TPI1: variants seen among roughly 807,000 people sequenced by gnomAD.
TPI1 encodes the protein triosephosphate isomerase 1, also known as triosephosphate isomerase.
A neutral mutation model predicts 31.0 loss-of-function variants in TPI1; 11 were observed. The ratio of observed to expected loss-of-function variants is 0.36; its 90% CI spans 0.22 to 0.59. TPI1 has a LOEUF of 0.59. Ranked by LOEUF, TPI1 falls within the 20% of genes least tolerant of loss-of-function variation. TPI1 has a pLI of 0.79. For missense variants in TPI1, 245 were observed against 319.7 expected, an observed-to-expected ratio of 0.77 and a Z score of 1.78; for synonymous variants, 121 against 122.8, an observed-to-expected ratio of 0.99 and a Z score of 0.10.
chr12:6,869,686 A>C lies in TPI1; in HGVS notation c.458-2A>C. 2 of 1,614,212 alleles carry C rather than the reference A, an allele frequency of 1.2e-6. No homozygotes were observed. Among genetic ancestry groups the C allele is most frequent in the Non-Finnish European group, 1.7e-6 (2 of 1,180,032 alleles). ...CCCTCCATCTGTATCTCTGCCCTGC[A>C]GATAACGTGAAGGACTGGAGCAAGG... On this transcript the variant is annotated splice_acceptor_variant, in intron 4 of 6. Transcript: ENST00000396705. LOFTEE classifies it high-confidence loss of function.
At chr12:6,869,565 C>T in intron 4 of TPI1, 123 bp from the exon 5 acceptor site, 2 of 1,462,350 alleles carry the variant, frequency 1.4e-6, no homozygotes, top group South Asian at 1.1e-5. Flanking sequence ...AGGTAGATGC[C>T]ACCTGGAAAT....
rs761700850 is a variant in TPI1, at chr12:6,869,988, C to T, written c.544-61C>T. The T allele has an allele frequency of 6.8e-5, 107 of 1,573,892 alleles. No individual in the cohort carries two copies. The Middle Eastern group carries it at 8.4e-4, about 12-fold the overall frequency. ...AACCACACTAAGTGTCCACTGGTGC[C>T]AGTGATTTTTCCTCTTAGAGAGGCA... On this transcript the variant is annotated intron_variant, in intron 5 of 6. Transcript: ENST00000396705.
chr12:6,869,037 C>T (rs201628769), intron 2 of TPI1, 50 bp downstream of exon 2: 43 of 1,614,076 alleles, frequency 2.7e-5, no homozygotes, highest in African/African-American at 2.4e-4. Flanking sequence ...TCACTTTCCT[C>T]GTTGAGGGGA....
chr12:6,868,660 G>A, intron 1 of TPI1: 1 of 1,317,564 alleles, frequency 7.6e-7, no homozygotes. Context: ...CCTCTCAGGG[G>A]TATCTGGAAG....
Position 6,870,321 on chromosome 12 carries a change from T to C in TPI1, c.688T>C (p.Phe230Leu). Residue 230 changes from phenylalanine (F) to leucine (L), a missense_variant, in exon 7 of 7, where the codon TTC (phenylalanine) becomes CTC (leucine). Physicochemically the swap from Phe to Leu is conservative, Grantham distance 22 (BLOSUM62 0). Transcript: ENST00000396705. ...GGCCAGCCAGCCTGATGTGGATGGC[T>C]TCCTTGTGGGTGGTGCTTCCCTCAA... is the stretch of plus-strand genomic sequence containing the variant. ...ELASQPDVDGFLVGGASLKPE... is the reference protein window; with the variant it reads ...ELASQPDVDGLLVGGASLKPE... The C allele has an allele frequency of 6.2e-7, 1 of 1,614,206 alleles. No individual in the cohort carries two copies.
At chr12:6,867,852 C>T (rs1944492042) in intron 1 of TPI1, among the ~76,000 whole-genome samples, 171 bp downstream of exon 1, 1 of 152,188 alleles carries the variant, frequency 6.6e-6, no homozygotes, top group Admixed American at 6.5e-5. Flanking sequence ...GCAGCCGCAG[C>T]CCCGTCGGTG....
At chr12:6,869,918 AGGG>A in intron 5 of TPI1, 128 bp from the exon 6 acceptor site, 1 of 1,387,614 alleles carries the variant, frequency 7.2e-7, no homozygotes, top group Non-Finnish European at 1.0e-6. Flanking sequence ...CATCCAGTCC[AGGG>A]CCTGGCTTGG....
In TPI1 at chr12:6,870,403, C is replaced by T. The variant is rs1555132669; in HGVS notation, c.*20C>T. The T allele has an allele frequency of 6.3e-7, 1 of 1,578,316 alleles. No individual in the cohort carries two copies. On this transcript the variant is annotated 3_prime_UTR_variant, in exon 7 of 7. Coordinates refer to ENST00000396705, the MANE Select transcript of TPI1 (RefSeq NM_000365.6). ...CAATGAGCCCCATCCATCTTCCCTACCCTTCCTGCCAAGCCAGGGACTAAG... is the reference window on the plus strand; with the variant it reads ...CAATGAGCCCCATCCATCTTCCCTATCCTTCCTGCCAAGCCAGGGACTAAG...
At chr12:6,869,542 T>C in intron 4 of TPI1, 146 bp from the exon 5 acceptor site, 2 of 1,475,150 alleles carry the variant, frequency 1.4e-6, no homozygotes, top group Non-Finnish European at 1.9e-6. Flanking sequence ...GGCCTATGAC[T>C]TCTCCAGCCC....
chr12:6,869,376 C>G lies in TPI1; in HGVS notation c.443C>G (p.Thr148Arg), dbSNP rs781795779. Residue 148 changes from threonine to arginine, a missense_variant, in exon 4 of 7, where the codon ACA becomes AGA. Coordinates refer to ENST00000396705, the MANE Select transcript of TPI1 (RefSeq NM_000365.6). ...GITEKVVFEQ[T>R]KVIADNVKDW... ...ACTGAGAAGGTTGTTTTCGAGCAGA[C>G]AAAGGTCATCGCAGGTATCTCTGGA... 9.3e-6 allele frequency: 15 copies of G among 1,614,046 alleles called. No individual in the cohort carries two copies. The highest frequency in any genetic ancestry group is 1.3e-5 in the Non-Finnish European group (15 of 1,179,988).
chr12:6,867,777 G>C (rs1256553241), intron 1 of TPI1, 96 bp downstream of exon 1: 1 of 1,305,880 alleles, frequency 7.7e-7, no homozygotes, highest in Non-Finnish European at 1.0e-6. Flanking sequence ...CCCCGAGGCC[G>C]GTATCCGCGC....
rs1944573631 is a variant in TPI1, at chr12:6,870,864, G to A, written c.*481G>A. The A allele has an allele frequency of 1.8e-6, 1 of 561,384 alleles. No homozygotes were observed. The highest frequency in any genetic ancestry group is 3.4e-6 in the Non-Finnish European group (1 of 297,894). The allele number at this position is 561,384 out of a possible 1,614,324, so 34.8% of individuals were successfully genotyped here. A position where few individuals can be genotyped will look rare whatever the true frequency, so the allele number is the denominator to read the frequency against. Reference sequence around the variant, plus strand: ...TGTCTGCCTTCACTGGACTTGCCCAGATAATCTTCCTTTTTGAGGCAGCTA... The same window carrying A: ...TGTCTGCCTTCACTGGACTTGCCCAAATAATCTTCCTTTTTGAGGCAGCTA... On this transcript the variant is annotated 3_prime_UTR_variant, in exon 7 of 7. Coordinates refer to ENST00000396705, the MANE Select transcript of TPI1 (RefSeq NM_000365.6).
chr12:6,870,143 G>A lies in TPI1; in HGVS notation c.631+7G>A, dbSNP rs1039763213. On this transcript the variant is annotated splice_region_variant and intron_variant, in intron 6 of 6. Coordinates refer to ENST00000396705, the MANE Select transcript of TPI1 (RefSeq NM_000365.6). ...ACCCGTATCATTTATGGAGGTGAGT[G>A]GCTTTGGTTCCCGGCTGAGGTGGAG... 1.9e-6 allele frequency: 3 copies of A among 1,612,962 alleles called. No individual in the cohort carries two copies. The highest frequency in any genetic ancestry group is 2.5e-6 in the Non-Finnish European group (3 of 1,178,902).
upstream of TPI1, chr12:6,867,468 G>A (rs1555131366): frequency 5.2e-6 from 8 of 1,528,306 alleles, no homozygotes; most frequent in Non-Finnish European, 7.0e-6. Flanking sequence ...GGCGGAGGAC[G>A]GCGAGGAGGC....
At chr12:6,870,001 T>G (rs1944551042) in intron 5 of TPI1, 48 bp from the exon 6 acceptor site, 1 of 1,602,706 alleles carries the variant, frequency 6.2e-7, no homozygotes, top group African/African-American at 1.3e-5. Context: ...TGATTTTTCC[T>G]CTTAGAGAGG....
rs1591618476 is a variant in TPI1, at chr12:6,870,384, G to C, written c.*1G>C. 6.2e-7 allele frequency: 1 copy of C among 1,607,278 alleles called. No homozygotes were observed. On this transcript the variant is annotated 3_prime_UTR_variant, in exon 7 of 7. Coordinates refer to ENST00000396705, the MANE Select transcript of TPI1 (RefSeq NM_000365.6). ...GGACATCATCAATGCCAAACAATGAGCCCCATCCATCTTCCCTACCCTTCC... is the reference window on the plus strand; with the variant it reads ...GGACATCATCAATGCCAAACAATGACCCCCATCCATCTTCCCTACCCTTCC...
intron 1 of TPI1, chr12:6,868,270 T>TC: frequency 7.8e-7 from 1 of 1,287,452 alleles, no homozygotes; most frequent in African/African-American, 1.5e-5. Flanking sequence ...GGAGCCATCC[T>TC]ACCGCTTTCC....
chr12:6,869,361 T>C lies in TPI1; in HGVS notation c.428T>C (p.Val143Ala). The C allele has an allele frequency of 6.2e-7, 1 of 1,613,972 alleles. No individual in the cohort carries two copies. The change falls in exon 4 of 7, where the codon GTT (valine) becomes GCT (alanine). Residue 143 changes from valine (V) to alanine (A), a missense_variant. Coordinates refer to ENST00000396705, the MANE Select transcript of TPI1 (RefSeq NM_000365.6). ...AGGGAAGCTGGCATCACTGAGAAGG[T>C]TGTTTTCGAGCAGACAAAGGTCATC... is the stretch of plus-strand genomic sequence containing the variant. ...DEREAGITEK[V>A]VFEQTKVIAD...
rs781905309 is a variant in TPI1 at position 6,870,925 on chromosome 12, CAA to C, written c.*543_*544del. 8.4e-5 allele frequency: 50 copies of C among 595,702 alleles called. No homozygotes were observed. The highest frequency in any genetic ancestry group is 7.6e-4 in the African/African-American group (39 of 51,508). The allele number at this position is 595,702 out of a possible 1,614,324, so 36.9% of individuals were successfully genotyped here. ...CATTTGTGCAAGAAAAAAAAAAAAA[CAA>C]GAACAGGTTTCTATAACAACATCTC... On this transcript the variant is annotated 3_prime_UTR_variant, in exon 7 of 7. Coordinates refer to ENST00000396705, the MANE Select transcript of TPI1 (RefSeq NM_000365.6).
Sources: gnomAD v4.1 joint callset for allele counts (sites outside exome capture counted in the v4.1 genomes callset) on GRCh38, gnomAD v4.1.1 for gene constraint, MANE v1.5 for transcripts, NCBI Gene and HGNC (gene_info 2026-07-23, HGNC 2026-07-21) for gene names.